AGBL4: variants seen among roughly 807,000 people sequenced by gnomAD.
AGBL4 encodes the protein AGBL carboxypeptidase 4.
In AGBL4, 58 loss-of-function variants were observed where a neutral mutation model predicts 66.4. The observed-to-expected ratio is 0.87, with a 90% CI of 0.71 to 1.09. AGBL4 has a LOEUF of 1.09. Among genes scored for constraint, AGBL4 ranks in the 50% least tolerant of loss-of-function variants. The probability of loss-of-function intolerance (pLI) is 0.00; values close to 1 mark genes in which losing one functional copy is unlikely to be tolerated. For missense variants in AGBL4, 579 were observed against 631.0 expected, an observed-to-expected ratio of 0.92 and a Z score of 0.88; for synonymous variants, 234 against 222.9, an observed-to-expected ratio of 1.05 and a Z score of -0.44.
At chr1:49,191,377 CTT>C (rs1285032104) in intron 4 of AGBL4, among the ~76,000 whole-genome samples, 1 of 152,194 alleles carries the variant, frequency 6.6e-6, no homozygotes, top group Non-Finnish European at 1.5e-5. Flanking sequence ...CTAAGTTTGT[CTT>C]AGTCAGTTTA....
chr1:49,645,506 A>T (rs1353922145), intron 3 of AGBL4, among the ~76,000 whole-genome samples: 1 of 151,556 alleles, frequency 6.6e-6, no homozygotes, highest in Non-Finnish European at 1.5e-5. Flanking sequence ...AGAAACAGAT[A>T]ACCTGAATAG....
In AGBL4 at chr1:49,668,792, T is replaced by C. The variant is rs1386284159; in HGVS notation, c.282+28521A>G. Among the ~76,000 whole-genome samples the C allele has an allele frequency of 2.0e-5, 3 of 152,154 alleles. No individual in the cohort carries two copies. In the South Asian group the frequency reaches 6.2e-4, roughly 32 times the overall value. On this transcript the variant is annotated intron_variant, in intron 3 of 13. Coordinates refer to ENST00000371839, the MANE Select transcript of AGBL4 (RefSeq NM_032785.4). ...ATTGAACCTCAATCTTGCTAAACCA[T>C]CAACTAAGACATACATTGTTTCCCT...
At chr1:48,649,489 C>A (rs1455221982) in intron 8 of AGBL4, among the ~76,000 whole-genome samples, 1 of 152,166 alleles carries the variant, frequency 6.6e-6, no homozygotes, top group African/African-American at 2.4e-5. Flanking sequence ...TATATTGCTG[C>A]TATAAACTTT....
At position 48,639,974 on chromosome 1, in the gene AGBL4, C is replaced by T. The variant is rs140638247; in HGVS notation, c.840-5370G>A. Among the ~76,000 whole-genome samples, 366 of 152,310 alleles carry T rather than the reference C, an allele frequency of 2.4e-3. 2 individuals are homozygous for T. Among genetic ancestry groups the T allele is most frequent in the Non-Finnish European group, 3.2e-3 (221 of 68,030 alleles). ...CATAAGATGGCCTCCAGATGCCAGG[C>T]TCTCACTCCTATGACTGCCAGTTTA... is the stretch of plus-strand genomic sequence containing the variant. On this transcript the variant is annotated intron_variant, in intron 8 of 13. Transcript: ENST00000371839.
intron 3 of AGBL4, among the ~76,000 whole-genome samples, chr1:49,636,743 TGGGGA>T (rs1180629975): frequency 6.6e-6 from 1 of 152,062 alleles, no homozygotes; most frequent in Non-Finnish European, 1.5e-5. Context: ...ACAAGAATGG[TGGGGA>T]GGAGTCTTCA....
chr1:49,454,111 A>G (rs986817354), intron 3 of AGBL4, among the ~76,000 whole-genome samples: 2 of 151,834 alleles, frequency 1.3e-5, no homozygotes, highest in Admixed American at 6.6e-5. Flanking sequence ...GAAATTCAGG[A>G]GATGGAATTT....
chr1:49,625,435 T>A (rs1295888742), intron 3 of AGBL4, among the ~76,000 whole-genome samples: 1 of 152,174 alleles, frequency 6.6e-6, no homozygotes, highest in Non-Finnish European at 1.5e-5. Flanking sequence ...TGTCTGTTCC[T>A]CTTTCCTTGA....
At chr1:49,580,832 T>C (rs931319268) in intron 3 of AGBL4, among the ~76,000 whole-genome samples, 1 of 152,194 alleles carries the variant, frequency 6.6e-6, no homozygotes, top group East Asian at 1.9e-4. Flanking sequence ...CTAATTGTAA[T>C]ATGCCACAAT....
intron 4 of AGBL4, among the ~76,000 whole-genome samples, chr1:49,100,916 A>C (rs1645189473): frequency 6.6e-6 from 1 of 152,192 alleles, no homozygotes; most frequent in Admixed American, 6.6e-5. Flanking sequence ...AAGGATGCTG[A>C]GGCTTATAAG....
At chr1:49,933,162 G>A (rs1000560346) in intron 1 of AGBL4, among the ~76,000 whole-genome samples, 2 of 152,056 alleles carry the variant, frequency 1.3e-5, no homozygotes, top group Admixed American at 6.6e-5. Context: ...AAAGAAATTT[G>A]AAAGCAGCAA....
chr1:49,432,271 G>A (rs994653136), intron 3 of AGBL4, among the ~76,000 whole-genome samples: 4 of 152,188 alleles, frequency 2.6e-5, no homozygotes, highest in Non-Finnish European at 5.9e-5. Flanking sequence ...ACACTTACAC[G>A]TAGACATATA....
At chr1:49,217,322 A>C (rs1246411214) in intron 4 of AGBL4, among the ~76,000 whole-genome samples, 3 of 151,770 alleles carry the variant, frequency 2.0e-5, no homozygotes, top group Non-Finnish European at 4.4e-5. Context: ...TTTCTTTCTT[A>C]TTTTTCCCAA....
At chr1:49,455,918 C>T (rs1646378638) in intron 3 of AGBL4, among the ~76,000 whole-genome samples, 1 of 151,690 alleles carries the variant, frequency 6.6e-6, no homozygotes, top group Non-Finnish European at 1.5e-5. Flanking sequence ...CTTTCCCTTA[C>T]TTAACCAGTT....
intron 6 of AGBL4, chr1:48,817,389 CA>C (rs1646206521): frequency 6.6e-6 from 1 of 152,310 alleles, no homozygotes; most frequent in African/African-American, 2.4e-5. Flanking sequence ...CTAGCTTTGA[CA>C]TTTAGGGCCC....
chr1:49,642,111 G>T (rs1645793081), intron 3 of AGBL4, among the ~76,000 whole-genome samples: 1 of 151,816 alleles, frequency 6.6e-6, no homozygotes, highest in South Asian at 2.1e-4. Context: ...CTCAAAGATG[G>T]TATTAAGCTT....
At position 49,908,512 on chromosome 1, in the gene AGBL4, T is replaced by A. The variant is rs566167429; in HGVS notation, c.35-56994A>T. On this transcript the variant is annotated intron_variant, in intron 1 of 13. Transcript: ENST00000371839. Reference sequence around the variant, plus strand: ...CTGCCATGATTGTGAGCTTCCTGAGTCCCTCACCAGAAGCAGATGCCAACA... The same window carrying A: ...CTGCCATGATTGTGAGCTTCCTGAGACCCTCACCAGAAGCAGATGCCAACA... Among the ~76,000 whole-genome samples, 18 of 152,262 alleles carry A rather than the reference T, an allele frequency of 1.2e-4. No homozygotes were observed. In the South Asian group the frequency reaches 1.7e-3, roughly 14 times the overall value.
intron 3 of AGBL4, among the ~76,000 whole-genome samples, chr1:49,532,218 A>C (rs562554484): frequency 1.1e-3 from 175 of 152,240 alleles, no homozygotes; most frequent in African/African-American, 4.0e-3. Context: ...CTGCTTTGTT[A>C]AACATAGAAT....
chr1:49,936,421 T>C (rs1299777816), intron 1 of AGBL4, among the ~76,000 whole-genome samples: 1 of 152,062 alleles, frequency 6.6e-6, no homozygotes, highest in African/African-American at 2.4e-5. Context: ...CTGCAGGACA[T>C]TACCCAGGAG....
Position 48,643,728 on chromosome 1 carries a change from C to G in AGBL4, c.840-9124G>C, listed in dbSNP as rs186217076. 1.7e-3 allele frequency among the ~76,000 whole-genome samples: 259 copies of G among 152,366 alleles called. 1 individual carries two copies. Among genetic ancestry groups the G allele is most frequent in the Non-Finnish European group, 7.6e-4 (52 of 68,044 alleles). On this transcript the variant is annotated intron_variant, in intron 8 of 13. Transcript: ENST00000371839. Reference sequence around the variant, plus strand: ...GTCTTCTTCTCCATTCCCTCGTTTTCTCTTCCCAAGGAAGGAGATGAAACT... The same window carrying G: ...GTCTTCTTCTCCATTCCCTCGTTTTGTCTTCCCAAGGAAGGAGATGAAACT...
Sources: allele counts gnomAD v4.1 joint callset (sites outside exome capture counted in the v4.1 genomes callset), GRCh38; gene constraint gnomAD v4.1.1; transcripts MANE v1.5; gene names NCBI Gene and HGNC (gene_info 2026-07-23, HGNC 2026-07-21).